The following PDZRN3 variants were observed in gnomAD, a reference collection of about 807,000 sequenced individuals.
PDZRN3 encodes the protein PDZ domain containing ring finger 3.
Under a neutral mutation model 85.7 loss-of-function variants are expected in PDZRN3, and 38 were observed. That is an observed-to-expected ratio of 0.44 (90% CI 0.34 to 0.58). The LOEUF is 0.58. Ranked by LOEUF, PDZRN3 falls within the 20% of genes least tolerant of loss-of-function variation. The probability of loss-of-function intolerance (pLI) is 0.01; values close to 1 mark genes in which losing one functional copy is unlikely to be tolerated. For synonymous variants in PDZRN3, 759 were observed against 638.0 expected, an observed-to-expected ratio of 1.19 and a Z score of -2.86; for missense variants, 1,629 against 1,506.4, an observed-to-expected ratio of 1.08 and a Z score of -1.35.
chr3:73,408,779 A>G (rs765355119), intron 3 of PDZRN3, among the ~76,000 whole-genome samples: 15 of 152,028 alleles, frequency 9.9e-5, no homozygotes, highest in Non-Finnish European at 1.8e-4. Flanking sequence ...CACTTATTAC[A>G]CTGTCATCTT....
chr3:73,624,191 G>C lies in PDZRN3; in HGVS notation c.635C>G (p.Thr212Ser), dbSNP rs766656482. The C allele has an allele frequency of 3.1e-5, 47 of 1,499,532 alleles. No homozygotes were observed. The highest frequency in any genetic ancestry group is 1.2e-5 in the Non-Finnish European group (14 of 1,129,962). The allele number at this position is 1,499,532 out of a possible 1,614,324, so 92.9% of individuals were successfully genotyped here. A position where few individuals can be genotyped will look rare whatever the true frequency, so the allele number is the denominator to read the frequency against. ...LAAAQLELQM[T>S]ALRYQKKFTE... Reference sequence around the variant, plus strand: ...GAATTTCTTCTGGTAGCGCAGCGCGGTCATCTGCAGCTCAAGCTGCGCCGC... The same window carrying C: ...GAATTTCTTCTGGTAGCGCAGCGCGCTCATCTGCAGCTCAAGCTGCGCCGC... Residue 212 changes from threonine to serine, a missense_variant, in exon 1 of 10, where the codon ACC becomes AGC. Transcript: ENST00000263666.
intron 8 of PDZRN3, 89 bp from the exon 9 acceptor site, chr3:73,385,874 A>T (rs1701370517): frequency 2.5e-6 from 2 of 788,180 alleles, no homozygotes; most frequent in Non-Finnish European, 2.2e-6. Flanking sequence ...CTTGGGGGAA[A>T]ATATTTCTAG....
At chr3:73,517,074 T>C (rs1199848130) in intron 3 of PDZRN3, among the ~76,000 whole-genome samples, 2 of 152,202 alleles carry the variant, frequency 1.3e-5, no homozygotes, top group Non-Finnish European at 1.5e-5. Flanking sequence ...CTGGGGCATG[T>C]TGAAACAGTC....
intron 3 of PDZRN3, among the ~76,000 whole-genome samples, chr3:73,436,895 A>C (rs1402025344): frequency 6.6e-6 from 1 of 151,890 alleles, no homozygotes; most frequent in Non-Finnish European, 1.5e-5. Flanking sequence ...AAATACAAAA[A>C]ATTAGCCAGG....
chr3:73,512,966 T>C (rs1704194419), intron 3 of PDZRN3, among the ~76,000 whole-genome samples: 1 of 152,218 alleles, frequency 6.6e-6, no homozygotes, highest in African/African-American at 2.4e-5. Context: ...TTTTAATGTA[T>C]ACTTTGATCA....
intron 3 of PDZRN3, among the ~76,000 whole-genome samples, chr3:73,586,723 C>T (rs1702283540): frequency 6.6e-6 from 1 of 152,224 alleles, no homozygotes; most frequent in Non-Finnish European, 1.5e-5. Flanking sequence ...CCACACAAAG[C>T]ATCCCCATCA....
chr3:73,513,547 C>T (rs1038246282), intron 3 of PDZRN3, among the ~76,000 whole-genome samples: 1 of 152,206 alleles, frequency 6.6e-6, no homozygotes, highest in East Asian at 1.9e-4. Context: ...AACTTGTTAA[C>T]ATTCACTTGT....
Position 73,624,769 on chromosome 3 carries a change from C to T in PDZRN3, c.57G>A (p.Ala19=), listed in dbSNP as rs1165327246. The T allele has an allele frequency of 6.8e-7, 1 of 1,478,202 alleles. No individual in the cohort carries two copies. Among genetic ancestry groups the T allele is most frequent in the East Asian group, 2.8e-5 (1 of 36,160 alleles). The allele number at this position is 1,478,202 out of a possible 1,614,324, so 91.6% of individuals were successfully genotyped here. ...GGTCCTCCAGGACCTTGTGGCACAGCGCGCACTTCAGGTCCGGGTCCACGT... is the reference window on the plus strand; with the variant it reads ...GGTCCTCCAGGACCTTGTGGCACAGTGCGCACTTCAGGTCCGGGTCCACGT... ...DGDVDPDLKC[A]LCHKVLEDPL... is the part of the protein sequence containing the mutation. Residue 19 remains alanine, a synonymous_variant, in exon 1 of 10, where the codon GCG becomes GCA. Transcript: ENST00000263666.
intron 7 of PDZRN3, among the ~76,000 whole-genome samples, chr3:73,389,092 A>G (rs1055934275): frequency 1.8e-4 from 27 of 152,166 alleles, no homozygotes; most frequent in Non-Finnish European, 3.2e-4. Flanking sequence ...GAAGAAAATC[A>G]AAATGACCTG....
At chr3:73,404,420 AC>A (rs1263620424) in intron 3 of PDZRN3, 25 bp from the exon 4 acceptor site, 6 of 1,603,784 alleles carry the variant, frequency 3.7e-6, no homozygotes, top group Non-Finnish European at 5.1e-6. Context: ...TTAGGGTGGG[AC>A]AAGGTTAGAA....
chr3:73,573,171 G>C (rs1575745311), intron 3 of PDZRN3, among the ~76,000 whole-genome samples: 1 of 152,306 alleles, frequency 6.6e-6, no homozygotes, highest in South Asian at 2.1e-4. Context: ...CAAGACCCCA[G>C]AACATATTAA....
intron 3 of PDZRN3, among the ~76,000 whole-genome samples, chr3:73,547,016 G>C (rs1366037518): frequency 6.6e-6 from 1 of 152,174 alleles, no homozygotes; most frequent in Non-Finnish European, 1.5e-5. Context: ...GCCTCTGAAA[G>C]GCACAGCACC....
At chr3:73,400,662 G>C (rs867772968) in intron 5 of PDZRN3, among the ~76,000 whole-genome samples, 1 of 152,164 alleles carries the variant, frequency 6.6e-6, no homozygotes, top group Non-Finnish European at 1.5e-5. Flanking sequence ...GTTGACAACA[G>C]GATTTACTGT....
rs985912697 is a variant in PDZRN3 at position 73,400,866 on chromosome 3, G to C, written c.1254+56C>G. 9 of 1,202,500 alleles carry C rather than the reference G, an allele frequency of 7.5e-6. No individual in the cohort carries two copies. The Admixed American group carries it at 1.3e-4, about 18-fold the overall frequency. The allele number at this position is 1,202,500 out of a possible 1,614,324, so 74.5% of individuals were successfully genotyped here. On this transcript the variant is annotated intron_variant, in intron 5 of 9. Coordinates refer to ENST00000263666, the MANE Select transcript of PDZRN3 (RefSeq NM_015009.3). ...ATTTATGCTTATAGAGAACTTATTA[G>C]GCATTCTGTGTTCTTAATAATGACT...
At chr3:73,434,074 A>T in intron 3 of PDZRN3, 5 of 437,358 alleles carry the variant, frequency 1.1e-5, no homozygotes, top group Non-Finnish European at 1.5e-5. Flanking sequence ...TTCATAACAG[A>T]CAATGATACA....
At chr3:73,447,284 C>T (rs1385855509) in intron 3 of PDZRN3, among the ~76,000 whole-genome samples, 2 of 151,880 alleles carry the variant, frequency 1.3e-5, no homozygotes, top group African/African-American at 2.4e-5. Flanking sequence ...CTCGTGCCCT[C>T]GGACTCAAGG....
At chr3:73,407,160 T>C (rs1334829327) in intron 3 of PDZRN3, among the ~76,000 whole-genome samples, 2 of 152,218 alleles carry the variant, frequency 1.3e-5, no homozygotes, top group Non-Finnish European at 2.9e-5. Flanking sequence ...ATGAGAGAGC[T>C]GCTAGGGAGC....
intron 3 of PDZRN3, among the ~76,000 whole-genome samples, chr3:73,475,631 A>G (rs1703434074): frequency 6.6e-6 from 1 of 152,200 alleles, no homozygotes; most frequent in Non-Finnish European, 1.5e-5. Flanking sequence ...TCCCCAGAAA[A>G]TCGGGGGAAA....
chr3:73,477,571 A>G (rs1391313979), intron 3 of PDZRN3, among the ~76,000 whole-genome samples: 5 of 152,232 alleles, frequency 3.3e-5, no homozygotes, highest in Admixed American at 2.0e-4. Context: ...ACATTCAAAA[A>G]TAATGAAAAC....
Sources: gnomAD v4.1 joint callset for allele counts (sites outside exome capture counted in the v4.1 genomes callset) on GRCh38, gnomAD v4.1.1 for gene constraint, MANE v1.5 for transcripts, NCBI Gene and HGNC (gene_info 2026-07-23, HGNC 2026-07-21) for gene names.